WWOX: variants seen among roughly 807,000 people sequenced by gnomAD.
WWOX encodes the protein WW domain-containing oxidoreductase.
WWOX carries 69 observed loss-of-function variants against 46.2 expected under a neutral mutation model. The ratio of observed to expected loss-of-function variants is 1.49; its 90% CI spans 1.23 to 1.82. The LOEUF is 1.82. Ranked by LOEUF, WWOX falls within the 40% of genes most tolerant of loss-of-function variation. The probability of loss-of-function intolerance (pLI) is 0.00; values close to 1 mark genes in which losing one functional copy is unlikely to be tolerated. For synonymous variants in WWOX, 359 were observed against 202.6 expected (o/e 1.77, Z -6.56); for missense variants, 919 against 542.6 (o/e 1.69, Z -6.89).
At chr16:78,931,984 G>T (rs2045633397) in intron 8 of WWOX, among the ~76,000 whole-genome samples, 2 of 152,222 alleles carry the variant, frequency 1.3e-5, no homozygotes, top group African/African-American at 4.8e-5. Context: ...TCTCTTGCCT[G>T]CTGCCATTTA....
intron 8 of WWOX, among the ~76,000 whole-genome samples, chr16:79,129,340 T>C (rs986831669): frequency 6.7e-6 from 1 of 149,436 alleles, no homozygotes; most frequent in Non-Finnish European, 1.5e-5. Flanking sequence ...GTTATGCACA[T>C]AGTCACACAC....
chr16:78,192,615 G>C (rs13334668), intron 5 of WWOX, among the ~76,000 whole-genome samples: 4,057 of 151,746 alleles, frequency 0.027, 164 homozygotes, highest in African/African-American at 0.093. Flanking sequence ...TAAATACTTT[G>C]TAATGTTACT....
intron 8 of WWOX, among the ~76,000 whole-genome samples, chr16:78,809,312 G>GAAA (rs371661365): frequency 2.2e-4 from 16 of 73,864 alleles, no homozygotes; most frequent in African/African-American, 5.8e-4. Flanking sequence ...TAGAGATCTT[G>GAAA]AAAAAAAAAA....
chr16:79,091,005 C>G (rs1035010965), intron 8 of WWOX, among the ~76,000 whole-genome samples: 1 of 152,090 alleles, frequency 6.6e-6, no homozygotes, highest in African/African-American at 2.4e-5. Flanking sequence ...CCAGCCTGGT[C>G]TCAACCTCCT....
chr16:78,533,002 C>T (rs2043659719), intron 8 of WWOX, among the ~76,000 whole-genome samples: 2 of 152,218 alleles, frequency 1.3e-5, no homozygotes. Flanking sequence ...AGGTGAGTCA[C>T]AGGCTGATGG....
chr16:78,584,352 A>G (rs1183110598), intron 8 of WWOX, among the ~76,000 whole-genome samples: 1 of 152,214 alleles, frequency 6.6e-6, no homozygotes, highest in Non-Finnish European at 1.5e-5. Flanking sequence ...TTGGAGACCA[A>G]GCACTTGAAT....
chr16:78,509,956 C>T (rs1423419778), intron 8 of WWOX, among the ~76,000 whole-genome samples: 2 of 150,534 alleles, frequency 1.3e-5, no homozygotes, highest in Admixed American at 1.3e-4. Flanking sequence ...GAAAAATTAG[C>T]TGGCATGGTG....
chr16:78,719,451 G>A (rs778549237), intron 8 of WWOX, among the ~76,000 whole-genome samples: 6 of 152,226 alleles, frequency 3.9e-5, no homozygotes, highest in Admixed American at 2.0e-4. Flanking sequence ...ACTGTCACAT[G>A]TGCACTGAAA....
intron 5 of WWOX, among the ~76,000 whole-genome samples, chr16:78,378,747 A>C (rs1438484165): frequency 3.3e-5 from 5 of 152,214 alleles, no homozygotes; most frequent in Admixed American, 3.3e-4. Flanking sequence ...CCATTGGATT[A>C]GAATTTGCAG....
chr16:79,051,424 C>T (rs976989006), intron 8 of WWOX, among the ~76,000 whole-genome samples: 1 of 152,206 alleles, frequency 6.6e-6, no homozygotes, highest in Non-Finnish European at 1.5e-5. Flanking sequence ...AGGCTCCTTC[C>T]ATTCTGTGGC....
chr16:78,515,613 C>T (rs62033972), intron 8 of WWOX, among the ~76,000 whole-genome samples: 150 of 152,258 alleles, frequency 9.9e-4, no homozygotes, highest in Non-Finnish European at 1.6e-3. Flanking sequence ...AGAGCCAGGC[C>T]GGATGCCTAG....
intron 8 of WWOX, among the ~76,000 whole-genome samples, chr16:79,006,923 C>T (rs1040621896): frequency 1.3e-5 from 2 of 152,192 alleles, no homozygotes; most frequent in African/African-American, 4.8e-5. Context: ...CCAGAATCAT[C>T]TTCCTCTTTT....
At chr16:78,775,968 C>A (rs187972741) in intron 8 of WWOX, among the ~76,000 whole-genome samples, 3 of 152,210 alleles carry the variant, frequency 2.0e-5, no homozygotes, top group Non-Finnish European at 2.9e-5. Flanking sequence ...CCTGTGATGA[C>A]TGACACTTAC....
chr16:78,930,912 G>C (rs1204635276), intron 8 of WWOX, among the ~76,000 whole-genome samples: 1 of 152,090 alleles, frequency 6.6e-6, no homozygotes, highest in Admixed American at 6.5e-5. Flanking sequence ...ATTAGTTCTG[G>C]GTTCGTTCCC....
intron 8 of WWOX, among the ~76,000 whole-genome samples, chr16:78,569,409 C>G (rs1022841082): frequency 6.6e-6 from 1 of 152,140 alleles, no homozygotes; most frequent in Non-Finnish European, 1.5e-5. Flanking sequence ...TTATACATTT[C>G]AGTTGGTCAA....
At chr16:78,588,863 G>A (rs1232369749) in intron 8 of WWOX, among the ~76,000 whole-genome samples, 2 of 152,162 alleles carry the variant, frequency 1.3e-5, no homozygotes, top group Non-Finnish European at 2.9e-5. Flanking sequence ...GTGGTGATGG[G>A]GTGGTAGTGA....
intron 8 of WWOX, among the ~76,000 whole-genome samples, chr16:78,475,791 C>T (rs891550389): frequency 1.3e-5 from 2 of 152,098 alleles, no homozygotes; most frequent in African/African-American, 4.8e-5. Context: ...AGACGCGTTT[C>T]ACCATGTTAG....
At chr16:78,766,545 G>T (rs766031671) in intron 8 of WWOX, among the ~76,000 whole-genome samples, 1 of 152,174 alleles carries the variant, frequency 6.6e-6, no homozygotes, top group Non-Finnish European at 1.5e-5. Flanking sequence ...CTGTGATTGT[G>T]CTGTTGCACT....
intron 8 of WWOX, among the ~76,000 whole-genome samples, chr16:78,517,743 A>C (rs1412003740): frequency 6.6e-6 from 1 of 151,410 alleles, no homozygotes; most frequent in Non-Finnish European, 1.5e-5. Flanking sequence ...AACACATGTC[A>C]CGTTATGGAG....
Sources: gnomAD v4.1 joint callset for allele counts (sites outside exome capture counted in the v4.1 genomes callset) on GRCh38, gnomAD v4.1.1 for gene constraint, MANE v1.5 for transcripts, NCBI Gene and HGNC (gene_info 2026-07-23, HGNC 2026-07-21) for gene names.